Variants in NID2 observed in about 807,000 individuals in gnomAD.
NID2 encodes the protein nidogen 2.
A neutral mutation model predicts 145.4 loss-of-function variants in NID2; 83 were observed. The observed-to-expected ratio is 0.57, with a 90% CI of 0.48 to 0.69. The LOEUF is 0.69. NID2 is among the 30% of genes least tolerant of loss of function. The pLI, the probability that NID2 is intolerant of heterozygous loss-of-function variation, is 0.00. For missense variants in NID2, 1,807 were observed against 1,765.7 expected (o/e 1.02, Z -0.42); for synonymous variants, 739 against 701.3 (o/e 1.05, Z -0.85).
At position 52,042,877 on chromosome 14, in the gene NID2, C is replaced by G. The variant is rs1892336731; in HGVS notation, c.1484G>C (p.Cys495Ser). The change falls in exon 6 of 22, where the codon TGC becomes TCC. Residue 495 changes from cysteine to serine, a missense_variant. Coordinates refer to ENST00000216286, the MANE Select transcript of NID2 (RefSeq NM_007361.4). The stretch of plus-strand genomic sequence containing the variant: ...GTCCGTGCAGAAGGCATGCCGGGAG[C>G]ATTGTCTGTGGTTGTGTTCACAGGT... ...KETCEHNHRQ[C>S]SRHAFCTDYA... 1 of 1,614,068 alleles carries G rather than the reference C, an allele frequency of 6.2e-7. No individual in the cohort carries two copies. The highest frequency in any genetic ancestry group is 8.5e-7 in the Non-Finnish European group (1 of 1,180,048).
chr14:52,052,479 T>C (rs1892710555), intron 5 of NID2, among the ~76,000 whole-genome samples: 1 of 152,236 alleles, frequency 6.6e-6, no homozygotes, highest in Non-Finnish European at 1.5e-5. Flanking sequence ...TTACATAAGT[T>C]ACTTCAGGTC....
intron 13 of NID2, among the ~76,000 whole-genome samples, chr14:52,019,593 G>A (rs948871082): frequency 3.3e-5 from 5 of 152,158 alleles, no homozygotes; most frequent in Admixed American, 2.6e-4. Flanking sequence ...GAGAAAACAA[G>A]CCAAAGCTCA....
At chr14:52,049,700 CCA>C (rs3837607) in intron 5 of NID2, among the ~76,000 whole-genome samples, 77,736 of 151,440 alleles carry the variant, frequency 0.51, 20,246 homozygotes, top group South Asian at 0.6. Flanking sequence ...GCTTTTTCGT[CCA>C]GTTTTCATGT....
chr14:52,063,564 A>G (rs1390966), intron 2 of NID2, among the ~76,000 whole-genome samples: 1 of 152,148 alleles, frequency 6.6e-6, no homozygotes, highest in Non-Finnish European at 1.5e-5. Context: ...AGCTATCTGG[A>G]CAAAAATCAG....
At chr14:52,036,401 CCAT>C (rs1043517372) in intron 9 of NID2, among the ~76,000 whole-genome samples, 6 of 152,240 alleles carry the variant, frequency 3.9e-5, no homozygotes, top group Admixed American at 2.0e-4. Context: ...TTTTTGGTGT[CCAT>C]CAACTGATGG....
chr14:52,020,232 C>T (rs1891354368), intron 12 of NID2, 54 bp from the exon 13 acceptor site: 6 of 1,607,138 alleles, frequency 3.7e-6, no homozygotes, highest in Non-Finnish European at 5.1e-6. Context: ...ACTTCACTCA[C>T]ACAATCTGTG....
At chr14:52,036,814 G>T (rs144418933) in intron 9 of NID2, among the ~76,000 whole-genome samples, 2 of 152,154 alleles carry the variant, frequency 1.3e-5, no homozygotes, top group East Asian at 1.9e-4. Context: ...TTGGAGAGAG[G>T]TCCTTGCAGA....
chr14:52,035,950 C>G (rs1892056680), intron 9 of NID2, among the ~76,000 whole-genome samples: 1 of 149,536 alleles, frequency 6.7e-6, no homozygotes, highest in Non-Finnish European at 1.5e-5. Context: ...CTCAGGTGAT[C>G]CACCCACCTC....
intron 14 of NID2, among the ~76,000 whole-genome samples, chr14:52,015,779 T>G (rs555165288): frequency 1.4e-4 from 22 of 152,340 alleles, no homozygotes; most frequent in African/African-American, 5.0e-4. Flanking sequence ...GAGGGCCATC[T>G]TGCGACTGGC....
intron 2 of NID2, among the ~76,000 whole-genome samples, chr14:52,063,466 G>C (rs1893083964): frequency 1.3e-5 from 2 of 152,208 alleles, no homozygotes; most frequent in South Asian, 4.1e-4. Context: ...AATCAATGTT[G>C]AAGTGACACT....
intron 12 of NID2, among the ~76,000 whole-genome samples, chr14:52,026,831 A>G (rs1454874250): frequency 1.3e-5 from 2 of 152,258 alleles, no homozygotes; most frequent in South Asian, 2.1e-4. Flanking sequence ...TGCTTAAAAT[A>G]TCACTTAAAG....
rs10151402 is a variant in NID2, at chr14:52,027,954, A to T, written c.2531-610T>A. On this transcript the variant is annotated intron_variant, in intron 11 of 21. Coordinates refer to ENST00000216286, the MANE Select transcript of NID2 (RefSeq NM_007361.4). Reference sequence around the variant, plus strand: ...GGGATGAATTGGGATAGTTCTTTTGATCCATTTTTAGGTCTGTAGTATTTT... The same window carrying T: ...GGGATGAATTGGGATAGTTCTTTTGTTCCATTTTTAGGTCTGTAGTATTTT... Among the ~76,000 whole-genome samples the T allele has an allele frequency of 9.8e-3, 1,485 of 152,046 alleles. 26 individuals carry two copies. Among genetic ancestry groups the T allele is most frequent in the African/African-American group, 0.034 (1,400 of 41,482 alleles).
chr14:52,062,829 T>G (rs7148490), intron 2 of NID2, among the ~76,000 whole-genome samples: 50,918 of 151,980 alleles, frequency 0.34, 9,437 homozygotes, highest in East Asian at 0.56. Context: ...CATTCATTCA[T>G]TCAACCAGCC....
intron 5 of NID2, among the ~76,000 whole-genome samples, chr14:52,052,061 A>T (rs1388456420): frequency 2.0e-5 from 3 of 152,202 alleles, no homozygotes; most frequent in Non-Finnish European, 4.4e-5. Context: ...AGGAAATCAC[A>T]ACCCACAAAT....
At chr14:52,023,089 G>A (rs543760807) in intron 12 of NID2, among the ~76,000 whole-genome samples, 1 of 152,280 alleles carries the variant, frequency 6.6e-6, no homozygotes, top group Non-Finnish European at 1.5e-5. Context: ...TAACCACACT[G>A]ATTTTACCAT....
chr14:52,013,098 C>T (rs1891092064), intron 16 of NID2, among the ~76,000 whole-genome samples: 2 of 152,182 alleles, frequency 1.3e-5, no homozygotes, highest in African/African-American at 2.4e-5. Flanking sequence ...TCCATTAACC[C>T]GGGAATCATG....
intron 2 of NID2, among the ~76,000 whole-genome samples, chr14:52,067,144 A>G (rs1280482760): frequency 6.6e-6 from 1 of 152,194 alleles, no homozygotes; most frequent in African/African-American, 2.4e-5. Flanking sequence ...AAAGTGATTC[A>G]CGCTATTATT....
At chr14:52,025,984 G>A (rs1487080873) in intron 12 of NID2, among the ~76,000 whole-genome samples, 3 of 152,202 alleles carry the variant, frequency 2.0e-5, no homozygotes, top group African/African-American at 7.2e-5. Flanking sequence ...TAAATTGTTC[G>A]AGAAAACCAT....
At chr14:52,017,078 C>G (rs934617284) in intron 14 of NID2, among the ~76,000 whole-genome samples, 1 of 152,166 alleles carries the variant, frequency 6.6e-6, no homozygotes, top group Non-Finnish European at 1.5e-5. Flanking sequence ...ATGCTACTTC[C>G]TCAAACACTG....
Sources: gnomAD v4.1 joint callset for allele counts (sites outside exome capture counted in the v4.1 genomes callset) on GRCh38, gnomAD v4.1.1 for gene constraint, MANE v1.5 for transcripts, NCBI Gene and HGNC (gene_info 2026-07-23, HGNC 2026-07-21) for gene names.